Variants in ZNF595 observed in about 807,000 individuals in gnomAD.
ZNF595 encodes the protein zinc finger protein 595.
Under a neutral mutation model 19.4 loss-of-function variants are expected in ZNF595, and 9 were observed. The ratio of observed to expected loss-of-function variants is 0.46; its 90% CI spans 0.28 to 0.81. The LOEUF (loss-of-function observed/expected upper bound fraction) is 0.81, where lower values mean the gene tolerates loss of function less well. Ranked by LOEUF, ZNF595 falls within the 30% of genes least tolerant of loss-of-function variation. The pLI is 0.11. For missense variants in ZNF595, 729 were observed against 736.0 expected (o/e 0.99, Z 0.11); for synonymous variants, 255 against 255.9 (o/e 1.00, Z 0.03).
chr4:69,861 A>C (rs1310273420), intron 3 of ZNF595, among the ~76,000 whole-genome samples: 1 of 152,168 alleles, frequency 6.6e-6, no homozygotes, highest in Non-Finnish European at 1.5e-5. Context: ...AATTTCCTGA[A>C]GAGTTTCACC....
intron 3 of ZNF595, among the ~76,000 whole-genome samples, chr4:79,734 G>C (rs1190374347): frequency 6.9e-6 from 1 of 144,228 alleles, no homozygotes; most frequent in Non-Finnish European, 1.5e-5. Context: ...GGGGTCTTTG[G>C]TTGTTCCCTA....
chr4:64,504 A>T, intron 3 of ZNF595, among the ~76,000 whole-genome samples: 1 of 152,310 alleles, frequency 6.6e-6, no homozygotes, highest in Non-Finnish European at 1.5e-5. Flanking sequence ...CTGTAATGCC[A>T]GCACATTGGG....
chr4:87,355 GAA>G lies in ZNF595; in HGVS notation c.1853_1854del (p.Lys618IlefsTer5). 6.2e-7 allele frequency: 1 copy of G among 1,612,918 alleles called. No homozygotes were observed. Among genetic ancestry groups the G allele is most frequent in the Non-Finnish European group, 8.5e-7 (1 of 1,179,618 alleles). On this transcript the variant is annotated frameshift_variant, in exon 4 of 4. Coordinates refer to ENST00000610261, the MANE Select transcript of ZNF595 (RefSeq NM_182524.4). LOFTEE classifies it high-confidence loss of function. ...AACATAAGATAATTCATACTGGAGA[GAA>G]ATCCTACAAATGTGAAGAATGTGGC... ...TKHKIIHTGEKSYKCEECGKA... is the reference protein window; with the variant it reads ...TKHKIIHTGEXSYKCEECGKA...
intron 1 of ZNF595, among the ~76,000 whole-genome samples, chr4:55,097 C>T (rs1712570548): frequency 6.6e-6 from 1 of 152,120 alleles, no homozygotes; most frequent in Admixed American, 6.5e-5. Flanking sequence ...ACCGTGTTAG[C>T]CAGGATGGTC....
chr4:82,532 G>A (rs1553800221), intron 3 of ZNF595, among the ~76,000 whole-genome samples: 1 of 151,678 alleles, frequency 6.6e-6, no homozygotes, highest in African/African-American at 2.4e-5. Context: ...TTACAGGCAT[G>A]CACCACCACA....
At chr4:82,460 C>A (rs1447122575) in intron 3 of ZNF595, among the ~76,000 whole-genome samples, 1 of 145,880 alleles carries the variant, frequency 6.9e-6, no homozygotes, top group Non-Finnish European at 1.5e-5. Context: ...CTCAGCTCAC[C>A]ACAACCCTCT....
intron 3 of ZNF595, among the ~76,000 whole-genome samples, chr4:79,664 C>G (rs1389143060): frequency 6.8e-6 from 1 of 148,140 alleles, no homozygotes; most frequent in Non-Finnish European, 1.5e-5. Context: ...TGCAGTATCT[C>G]CAGCTTTGTT....
At chr4:64,786 T>G (rs11731537) in intron 3 of ZNF595, among the ~76,000 whole-genome samples, 3,811 of 125,748 alleles carry the variant, frequency 0.03, no homozygotes, top group South Asian at 0.078. Flanking sequence ...TAAATATCCT[T>G]GAGGACATTA....
At chr4:79,826 A>G (rs13145153) in intron 3 of ZNF595, among the ~76,000 whole-genome samples, 14,682 of 151,752 alleles carry the variant, frequency 0.097, 764 homozygotes, top group South Asian at 0.17. Flanking sequence ...ATCCTGTAGT[A>G]TAACCACTTT....
chr4:75,075 C>G (rs1553798479), intron 3 of ZNF595, among the ~76,000 whole-genome samples: 2 of 151,596 alleles, frequency 1.3e-5, no homozygotes, highest in Admixed American at 1.3e-4. Context: ...ACGGCCACTG[C>G]TACACTCTTT....
intron 1 of ZNF595, among the ~76,000 whole-genome samples, chr4:57,682 CTG>C (rs1482041220): frequency 7.2e-5 from 11 of 152,026 alleles, no homozygotes; most frequent in African/African-American, 2.6e-4. Flanking sequence ...AAGATGAAAA[CTG>C]TACAGGAGAC....
At position 86,883 on chromosome 4, in the gene ZNF595, C is replaced by T. The variant is rs1429066861; in HGVS notation, c.1379C>T (p.Ala460Val). 1.2e-6 allele frequency: 2 copies of T among 1,611,844 alleles called. No homozygotes were observed. The highest frequency in any genetic ancestry group is 1.7e-6 in the Non-Finnish European group (2 of 1,178,632). ...KPYKCEECGK[A>V]FTRSTTLNEH... is the part of the protein sequence containing the mutation. ...TACAAATGTGAAGAATGTGGCAAAG[C>T]CTTTACACGGTCCACAACACTGAAC... is the stretch of plus-strand genomic sequence containing the variant. The change falls in exon 4 of 4, where the codon GCC becomes GTC. Residue 460 changes from alanine (A) to valine (V), a missense_variant. Physicochemically the swap from Ala to Val is moderately conservative, Grantham distance 64. Transcript: ENST00000610261.
intron 3 of ZNF595, among the ~76,000 whole-genome samples, chr4:83,480 C>T (rs574998805): frequency 8.8e-4 from 133 of 151,502 alleles, no homozygotes; most frequent in Admixed American, 3.5e-3. Flanking sequence ...ATTAGCCGGG[C>T]GTGGTGGCGG....
chr4:72,001 G>C (rs1713451861), intron 3 of ZNF595, among the ~76,000 whole-genome samples: 1 of 152,172 alleles, frequency 6.6e-6, no homozygotes, highest in Non-Finnish European at 1.5e-5. Flanking sequence ...AGCAGGATGG[G>C]GGTGGGAGGA....
Position 85,915 on chromosome 4 carries a change from G to T in ZNF595, c.411G>T (p.Leu137Phe), listed in dbSNP as rs370031970. The change falls in exon 4 of 4, where the codon TTG (leucine) becomes TTT (phenylalanine). Residue 137 changes from leucine to phenylalanine, a missense_variant. Physicochemically the swap from Leu to Phe is conservative, Grantham distance 22 (BLOSUM62 0). This residue lies in a region of ZNF595 where 729 missense variants were observed against 675.3 expected (regional missense o/e 1.08). Coordinates refer to ENST00000610261, the MANE Select transcript of ZNF595 (RefSeq NM_182524.4). ...KGVNNGVYQC[L>F]STTQSKIFQC... is the part of the protein sequence containing the mutation. ...TTAATAATGGAGTTTACCAGTGCTT[G>T]TCAACTACCCAGAGCAAAATATTTC... 9.9e-6 allele frequency: 16 copies of T among 1,613,768 alleles called. No homozygotes were observed. Among genetic ancestry groups the T allele is most frequent in the Non-Finnish European group, 1.1e-5 (13 of 1,179,872 alleles).
intron 1 of ZNF595, among the ~76,000 whole-genome samples, chr4:57,668 T>C (rs1187947629): frequency 1.3e-5 from 2 of 151,486 alleles, no homozygotes; most frequent in Non-Finnish European, 2.9e-5. Context: ...ATGTATTCAG[T>C]ACAAAGATGA....
At chr4:66,598 C>T (rs2088567323) in intron 3 of ZNF595, among the ~76,000 whole-genome samples, 1 of 150,472 alleles carries the variant, frequency 6.6e-6, no homozygotes, top group South Asian at 2.2e-4. Flanking sequence ...AAATATTTAA[C>T]TCATTCAAGA....
In ZNF595 at chr4:82,371, GGTTTT is replaced by G. The variant is rs1713946370; in HGVS notation, c.227-3359_227-3355del. On this transcript the variant is annotated intron_variant, in intron 3 of 3. Transcript: ENST00000610261. The stretch of plus-strand genomic sequence containing the variant: ...ACAAAAGTCCATTTTTTTGGTTTGT[GGTTTT>G]TTTTTTTTTTTTTTTTTTTTTTTTG... Among the ~76,000 whole-genome samples the G allele has an allele frequency of 1.8e-4, 18 of 97,714 alleles. 2 individuals carry two copies. The highest frequency in any genetic ancestry group is 5.5e-4 in the African/African-American group (15 of 27,380). The allele number at this position is 97,714 out of a possible 152,430, so 64.1% of individuals were successfully genotyped here. A position where few individuals can be genotyped will look rare whatever the true frequency, so the allele number is the denominator to read the frequency against.
chr4:82,603 C>G (rs568387640), intron 3 of ZNF595, among the ~76,000 whole-genome samples: 1 of 151,734 alleles, frequency 6.6e-6, no homozygotes, highest in Non-Finnish European at 1.5e-5. Context: ...AGGCTGGTCT[C>G]GAACTAATGA....
Sources: gnomAD v4.1 joint callset for allele counts (sites outside exome capture counted in the v4.1 genomes callset) on GRCh38, gnomAD v4.1.1 for gene constraint, gnomAD v4.1.1 regional missense constraint, MANE v1.5 for transcripts, NCBI Gene and HGNC (gene_info 2026-07-23, HGNC 2026-07-21) for gene names.